Variants in ST3GAL1 observed in about 807,000 individuals in gnomAD.
ST3GAL1 encodes the protein ST3 beta-galactoside alpha-2,3-sialyltransferase 1.
Under a neutral mutation model 34.1 loss-of-function variants are expected in ST3GAL1, and 16 were observed. The ratio of observed to expected loss-of-function variants is 0.47; its 90% confidence interval spans 0.32 to 0.71. The LOEUF (loss-of-function observed/expected upper bound fraction) is 0.71. Ranked by LOEUF, ST3GAL1 falls within the 30% of genes least tolerant of loss-of-function variation. The probability of loss-of-function intolerance (pLI) is 0.04; values close to 1 mark genes in which losing one functional copy is unlikely to be tolerated. For missense variants in ST3GAL1, 353 were observed against 447.4 expected, an observed-to-expected ratio of 0.79 and a Z score of 1.90; for synonymous variants, 191 against 184.7, an observed-to-expected ratio of 1.03 and a Z score of -0.28.
intron 2 of ST3GAL1, among the ~76,000 whole-genome samples, chr8:133,523,542 G>A (rs1180651708): frequency 6.6e-6 from 1 of 152,220 alleles, no homozygotes; most frequent in African/African-American, 2.4e-5. Flanking sequence ...TGCATCAGGA[G>A]TTCCTGCAGA....
rs1399870235 is a variant in ST3GAL1, at chr8:133,508,795, C to T, written c.-428-9606G>A. ...ATGAGGAGTGAAATATATAGTCCCT[C>T]TCTGAAAGCTTGTGCATCATACAAA... On this transcript the variant is annotated intron_variant, in intron 2 of 9. Transcript: ENST00000522652. This position sits in a 1 kb window ranked among gnomAD's most constrained non-coding sequence, Gnocchi z 4.1. Among the ~76,000 whole-genome samples, 1 of 152,128 alleles carries T rather than the reference C, an allele frequency of 6.6e-6. No homozygotes were observed. The highest frequency in any genetic ancestry group is 1.5e-5 in the Non-Finnish European group (1 of 68,044).
At chr8:133,567,464 A>G (rs1226781088) in intron 1 of ST3GAL1, 1 of 152,236 alleles carries the variant, frequency 6.6e-6, no homozygotes, top group Non-Finnish European at 1.5e-5. Context: ...ATATTTTTAC[A>G]TTAAAGTGAA....
In ST3GAL1 at chr8:133,467,302, C is replaced by T. The variant is rs981183438; in HGVS notation, c.307-1212G>A. On this transcript the variant is annotated intron_variant, in intron 5 of 9. Coordinates refer to ENST00000522652, the MANE Select transcript of ST3GAL1 (RefSeq NM_173344.3). The surrounding 1 kb of genome is among the most constrained non-coding windows in gnomAD (Gnocchi z 4.2). ...TTGGCCCCCGCTGCATGCCCAGGCC[C>T]GCCCGTCACCTCAGGTGGAGCTCTG... 1.3e-5 allele frequency among the ~76,000 whole-genome samples: 2 copies of T among 152,188 alleles called. No individual in the cohort carries two copies. Among genetic ancestry groups the T allele is most frequent in the East Asian group, 1.9e-4 (1 of 5,186 alleles).
At chr8:133,548,119 T>G (rs1005339195) in intron 1 of ST3GAL1, among the ~76,000 whole-genome samples, 1 of 152,120 alleles carries the variant, frequency 6.6e-6, no homozygotes, top group Non-Finnish European at 1.5e-5. Flanking sequence ...GGAGTCAGGG[T>G]CCAGGAAAGC....
intron 2 of ST3GAL1, among the ~76,000 whole-genome samples, chr8:133,540,814 T>TATATATATAGAC (rs1818457249): frequency 7.6e-6 from 1 of 131,332 alleles, no homozygotes; most frequent in African/African-American, 2.9e-5. Context: ...TAGAGAGACA[T>TATATATATAGAC]ATATATATAG....
chr8:133,502,140 T>C (rs1817174306), intron 2 of ST3GAL1, among the ~76,000 whole-genome samples: 1 of 152,140 alleles, frequency 6.6e-6, no homozygotes, highest in Non-Finnish European at 1.5e-5. Flanking sequence ...ATAGCCAATA[T>C]GATAATGTGA....
chr8:133,541,993 A>G (rs1586655921), intron 2 of ST3GAL1, among the ~76,000 whole-genome samples: 1 of 152,306 alleles, frequency 6.6e-6, no homozygotes, highest in Middle Eastern at 3.4e-3. Context: ...GGTGATTTTA[A>G]TAGATAGATA....
At chr8:133,489,605 A>G (rs1021884698) in intron 3 of ST3GAL1, 2 of 152,148 alleles carry the variant, frequency 1.3e-5, no homozygotes, top group Admixed American at 6.5e-5. Flanking sequence ...GCACCAGGGG[A>G]TCCCTTGCAC....
At chr8:133,485,708 C>G (rs979463376) in intron 3 of ST3GAL1, among the ~76,000 whole-genome samples, 1 of 152,132 alleles carries the variant, frequency 6.6e-6, no homozygotes. Context: ...GTGGCTACCC[C>G]GGAGTAGGTG....
At chr8:133,566,623 G>A (rs1200127667) in intron 1 of ST3GAL1, among the ~76,000 whole-genome samples, 1 of 152,176 alleles carries the variant, frequency 6.6e-6, no homozygotes, top group African/African-American at 2.4e-5. Context: ...GGCCTGGATA[G>A]TAGCGTCCCC....
chr8:133,533,769 C>T (rs1818224662), intron 2 of ST3GAL1, among the ~76,000 whole-genome samples: 1 of 152,172 alleles, frequency 6.6e-6, no homozygotes, highest in Admixed American at 6.5e-5. Context: ...GTGGCAAGAA[C>T]CTTCAAAGCG....
At chr8:133,546,106 A>G (rs943987439) in intron 1 of ST3GAL1, among the ~76,000 whole-genome samples, 180 bp from the exon 2 acceptor site, 7 of 152,246 alleles carry the variant, frequency 4.6e-5, no homozygotes, top group Non-Finnish European at 1.0e-4. Flanking sequence ...ACAGAGCCAC[A>G]CACCAGAACA....
chr8:133,500,877 G>C (rs1018072624), intron 2 of ST3GAL1, among the ~76,000 whole-genome samples: 3 of 152,216 alleles, frequency 2.0e-5, no homozygotes, highest in African/African-American at 2.4e-5. Flanking sequence ...TGATGAGGAA[G>C]TTGAGACTGA....
chr8:133,463,924 C>CT (rs1386653925), intron 7 of ST3GAL1, among the ~76,000 whole-genome samples: 1 of 152,194 alleles, frequency 6.6e-6, no homozygotes, highest in African/African-American at 2.4e-5. Context: ...CCCAGAGAGA[C>CT]TGCAGCTGAG....
intron 2 of ST3GAL1, among the ~76,000 whole-genome samples, chr8:133,504,594 C>G (rs1023823156): frequency 6.6e-6 from 1 of 152,120 alleles, no homozygotes; most frequent in Non-Finnish European, 1.5e-5. Flanking sequence ...TGTTTTTCCC[C>G]CAAGTCCTGA....
chr8:133,555,165 T>G (rs538439250), intron 1 of ST3GAL1, among the ~76,000 whole-genome samples: 93 of 152,298 alleles, frequency 6.1e-4, no homozygotes, highest in African/African-American at 2.1e-3. Flanking sequence ...AGAATTGAAC[T>G]GAGCTTCACT....
chr8:133,492,116 C>T (rs891472532), intron 3 of ST3GAL1, among the ~76,000 whole-genome samples: 2 of 152,128 alleles, frequency 1.3e-5, no homozygotes, highest in Non-Finnish European at 2.9e-5. Flanking sequence ...CGAGGGGACA[C>T]TGGGCAGCTT....
chr8:133,478,068 C>A (rs1816244682), intron 3 of ST3GAL1, among the ~76,000 whole-genome samples: 1 of 152,214 alleles, frequency 6.6e-6, no homozygotes, highest in Admixed American at 6.5e-5. Context: ...TTGGCAACGT[C>A]ATTTTTATCC....
chr8:133,522,794 C>T (rs1817850939), intron 2 of ST3GAL1, among the ~76,000 whole-genome samples: 1 of 152,164 alleles, frequency 6.6e-6, no homozygotes, highest in Admixed American at 6.5e-5. Context: ...TAATTACTGT[C>T]GTTATTTTGC....
Sources: allele counts gnomAD v4.1 joint callset (sites outside exome capture counted in the v4.1 genomes callset), GRCh38; gene constraint gnomAD v4.1.1; non-coding constraint Gnocchi (gnomAD v3.1); transcripts MANE v1.5; gene names NCBI Gene and HGNC (gene_info 2026-07-23, HGNC 2026-07-21).